The following TMEM164 variants were observed in gnomAD, a reference collection of about 807,000 sequenced individuals.
TMEM164 encodes the protein RP13-360B22.2.
A neutral mutation model predicts 18.8 loss-of-function variants in TMEM164; 4 were observed. The observed-to-expected ratio is 0.21, with a 90% CI of 0.10 to 0.49. The LOEUF is 0.49. TMEM164 is among the 20% of genes least tolerant of loss of function. The probability of loss-of-function intolerance (pLI) is 0.98; values close to 1 mark genes in which losing one functional copy is unlikely to be tolerated. For synonymous variants in TMEM164, 86 were observed against 101.7 expected, an observed-to-expected ratio of 0.85 and a Z score of 0.93; for missense variants, 108 against 239.9, an observed-to-expected ratio of 0.45 and a Z score of 3.63.
chrX:110,159,950 C>G (rs2067070400), intron 5 of TMEM164, among the ~76,000 whole-genome samples: 1 of 111,165 alleles, frequency 9.0e-6, no homozygotes, highest in Non-Finnish European at 1.9e-5. Flanking sequence ...ATAAACACCC[C>G]AGGCCAGTGG....
At chrX:110,078,624 C>T (rs1331759944) in intron 3 of TMEM164, among the ~76,000 whole-genome samples, 1 of 111,344 alleles carries the variant, frequency 9.0e-6, no homozygotes, top group East Asian at 2.8e-4. Context: ...TCCAGACCAG[C>T]CTGGCCAACA....
At chrX:110,024,993 T>G (rs1398661034) in intron 2 of TMEM164, among the ~76,000 whole-genome samples, 1 of 101,528 alleles carries the variant, frequency 9.8e-6, no homozygotes, top group Non-Finnish European at 2.0e-5. Flanking sequence ...TATTGTTGGG[T>G]GTGTGTGTGT....
chrX:110,101,597 T>TTTC (rs1430949344), intron 3 of TMEM164, among the ~76,000 whole-genome samples: 4 of 106,464 alleles, frequency 3.8e-5, no homozygotes, highest in African/African-American at 1.4e-4. Context: ...TTTTTTTTTT[T>TTTC]GAGACAGTGT....
chrX:110,028,779 C>A (rs1183801824), intron 2 of TMEM164, among the ~76,000 whole-genome samples: 1 of 111,670 alleles, frequency 9.0e-6, no homozygotes, highest in Non-Finnish European at 1.9e-5. Flanking sequence ...ACTAGATCAA[C>A]CTTGTTAATT....
rs551472507 is a variant in TMEM164, at chrX:110,065,107, G to A, written c.391-2240G>A. ...AAAGTTAGAACCATGACTGATGGAGGATAACAGGACAACCAACTGGGTTGA... is the reference window on the plus strand; with the variant it reads ...AAAGTTAGAACCATGACTGATGGAGAATAACAGGACAACCAACTGGGTTGA... On this transcript the variant is annotated intron_variant, in intron 2 of 6. Transcript: ENST00000372068. 5 of 110,732 alleles carry A rather than the reference G, an allele frequency of 4.5e-5. No individual in the cohort carries two copies. In the South Asian group the frequency reaches 1.9e-3, roughly 42 times the overall value. 9.1% of individuals were successfully genotyped at this position (110,732 alleles called of 1,213,427 possible).
chrX:110,002,784 C>T (rs1457776863), upstream of TMEM164: 7 of 109,119 alleles, frequency 6.4e-5, no homozygotes, highest in Non-Finnish European at 1.3e-4. Context: ...TGAGTGAAGC[C>T]CCGAGGGGCG....
upstream of TMEM164, chrX:110,002,596 G>A (rs1160905239): frequency 1.8e-5 from 2 of 109,646 alleles, no homozygotes; most frequent in African/African-American, 3.3e-5. Flanking sequence ...GCAGCGGGGA[G>A]GGGGAGGAGA....
intron 2 of TMEM164, among the ~76,000 whole-genome samples, chrX:110,021,619 C>T (rs1933867233): frequency 1.8e-5 from 2 of 111,039 alleles, no homozygotes; most frequent in Admixed American, 9.5e-5. Context: ...CAGTGTGAAG[C>T]GGGGAGCAGG....
At chrX:110,098,427 C>A (rs1275931785) in intron 3 of TMEM164, among the ~76,000 whole-genome samples, 1 of 110,885 alleles carries the variant, frequency 9.0e-6, no homozygotes, top group Non-Finnish European at 1.9e-5. Flanking sequence ...GAGCCAGGAG[C>A]AGAATTATTG....
intron 3 of TMEM164, among the ~76,000 whole-genome samples, chrX:110,092,010 G>A (rs1416997573): frequency 8.9e-6 from 1 of 111,844 alleles, no homozygotes; most frequent in Non-Finnish European, 1.9e-5. Context: ...TCAGAGATCA[G>A]ATGGTTGTAG....
chrX:110,114,403 G>T (rs2066331973), intron 4 of TMEM164, among the ~76,000 whole-genome samples: 1 of 111,890 alleles, frequency 8.9e-6, no homozygotes. Context: ...CTGGCCATTT[G>T]TCCTGATGGT....
intron 3 of TMEM164, among the ~76,000 whole-genome samples, chrX:110,085,364 G>A (rs1036413302): frequency 9.3e-6 from 1 of 107,097 alleles, no homozygotes; most frequent in African/African-American, 3.4e-5. Context: ...TTAAAACAGG[G>A]TTTTGCGGTG....
intron 2 of TMEM164, among the ~76,000 whole-genome samples, chrX:110,039,362 A>G (rs930584542): frequency 8.9e-5 from 10 of 112,522 alleles, no homozygotes; most frequent in Admixed American, 2.8e-4. Context: ...ATTTAAGGAG[A>G]CAGATTTTCT....
At chrX:110,028,099 G>T (rs759513780) in intron 2 of TMEM164, among the ~76,000 whole-genome samples, 1 of 112,255 alleles carries the variant, frequency 8.9e-6, no homozygotes, top group Non-Finnish European at 1.9e-5. Context: ...TTTAGTCAGT[G>T]TCTTTAATTT....
In TMEM164 at chrX:110,177,608, C is replaced by T. The variant is rs1428698473; in HGVS notation, c.*4157C>T. On this transcript the variant is annotated 3_prime_UTR_variant, in exon 7 of 7. Transcript: ENST00000372068. ...TGTCTTGTAAAACCTTTTGATTGTA[C>T]CGAAATGGTATCTGCAGTCGCCTTT... 8.9e-6 allele frequency: 1 copy of T among 112,497 alleles called. No homozygotes were observed. Among genetic ancestry groups the T allele is most frequent in the Non-Finnish European group, 1.9e-5 (1 of 53,311 alleles). The allele number at this position is 112,497 out of a possible 1,213,427, so 9.3% of individuals were successfully genotyped here.
intron 3 of TMEM164, among the ~76,000 whole-genome samples, chrX:110,086,361 CTG>C (rs930749551): frequency 3.0e-4 from 33 of 111,430 alleles, no homozygotes; most frequent in Non-Finnish European, 4.9e-4. Context: ...CATATGATCT[CTG>C]TGTTTTAACT....
chrX:110,070,597 C>T (rs986641392), intron 3 of TMEM164, among the ~76,000 whole-genome samples: 2 of 110,212 alleles, frequency 1.8e-5, no homozygotes, highest in African/African-American at 6.6e-5. Flanking sequence ...GAATTAACAG[C>T]TTTTCTGCCA....
chrX:110,021,120 C>G (rs1405879010), intron 2 of TMEM164, among the ~76,000 whole-genome samples: 1 of 111,019 alleles, frequency 9.0e-6, no homozygotes. Flanking sequence ...TTTTTAATGA[C>G]CACATTTCTG....
intron 3 of TMEM164, among the ~76,000 whole-genome samples, chrX:110,078,465 A>G (rs1434263100): frequency 8.9e-6 from 1 of 112,044 alleles, no homozygotes; most frequent in African/African-American, 3.2e-5. Flanking sequence ...CAGACATTTC[A>G]ATCTGGTTAG....
Sources: allele counts gnomAD v4.1 joint callset (sites outside exome capture counted in the v4.1 genomes callset), GRCh38; gene constraint gnomAD v4.1.1; transcripts MANE v1.5; gene names NCBI Gene and HGNC (gene_info 2026-07-23, HGNC 2026-07-21).